The following PPHLN1 variants were observed in gnomAD, a reference collection of about 807,000 sequenced individuals.
The protein encoded by PPHLN1 is periphilin 1, also known as periphilin-1.
Under a neutral mutation model 51.3 loss-of-function variants are expected in PPHLN1, and 29 were observed. The ratio of observed to expected loss-of-function variants is 0.57; its 90% CI spans 0.42 to 0.77. The LOEUF (loss-of-function observed/expected upper bound fraction) is 0.77, where lower values mean the gene tolerates loss of function less well. Ranked by LOEUF, PPHLN1 falls within the 30% of genes least tolerant of loss-of-function variation. The probability of loss-of-function intolerance (pLI) is 0.00; values close to 1 mark genes in which losing one functional copy is unlikely to be tolerated. For synonymous variants in PPHLN1, 147 were observed against 147.8 expected (o/e 0.99, Z 0.04); for missense variants, 436 against 438.4 (o/e 0.99, Z 0.05).
At chr12:42,426,936 A>G (rs925552362) in intron 9 of PPHLN1, among the ~76,000 whole-genome samples, 1 of 152,142 alleles carries the variant, frequency 6.6e-6, no homozygotes, top group African/African-American at 2.4e-5. Flanking sequence ...TGAAATAGCT[A>G]AGCTGCTTCC....
At chr12:42,446,125 GACGAC>G, downstream of PPHLN1, 2 of 1,568,448 alleles carry the variant, frequency 1.3e-6, no homozygotes, top group Non-Finnish European at 1.7e-6. Flanking sequence ...GGGTTCGTCG[GACGAC>G]ACAGCTTCGT....
At chr12:42,438,667 T>A (rs931141584) in intron 9 of PPHLN1, among the ~76,000 whole-genome samples, 4 of 152,204 alleles carry the variant, frequency 2.6e-5, no homozygotes, top group African/African-American at 9.6e-5. Context: ...AGTGGCACGA[T>A]CTCAGCTCAC....
intron 9 of PPHLN1, among the ~76,000 whole-genome samples, chr12:42,434,521 G>C (rs1796398): frequency 0.28 from 42,021 of 152,086 alleles, 7,278 homozygotes; most frequent in Non-Finnish European, 0.38. Context: ...CCTGTGAATT[G>C]GTTTCTGTAT....
At chr12:42,338,724 T>C (rs550146598) in intron 2 of PPHLN1, among the ~76,000 whole-genome samples, 3 of 152,330 alleles carry the variant, frequency 2.0e-5, no homozygotes, top group African/African-American at 7.2e-5. Context: ...TCAGAAGCTC[T>C]CAATCCTTGT....
intron 2 of PPHLN1, among the ~76,000 whole-genome samples, chr12:42,345,021 A>G (rs1249623347): frequency 6.6e-6 from 1 of 152,106 alleles, no homozygotes; most frequent in East Asian, 1.9e-4. Context: ...AGTGTGAAAA[A>G]TTTGATACAG....
chr12:42,404,546 A>G (rs2079119994), intron 9 of PPHLN1, among the ~76,000 whole-genome samples: 1 of 152,020 alleles, frequency 6.6e-6, no homozygotes, highest in Non-Finnish European at 1.5e-5. Context: ...AACAACAACA[A>G]CAACAAAAAT....
intron 9 of PPHLN1, chr12:42,400,378 G>T (rs2139328307): frequency 1.3e-5 from 2 of 148,966 alleles, no homozygotes; most frequent in African/African-American, 2.5e-5. Context: ...TGAGGCAGGA[G>T]AATGGCGTGA....
intron 9 of PPHLN1, among the ~76,000 whole-genome samples, chr12:42,422,490 CTT>C (rs2081092782): frequency 6.6e-6 from 1 of 152,214 alleles, no homozygotes; most frequent in Admixed American, 6.5e-5. Context: ...CCTTCTGACT[CTT>C]ATCTGAACCA....
chr12:42,369,098 T>C (rs1592465065), intron 4 of PPHLN1, among the ~76,000 whole-genome samples: 3 of 152,342 alleles, frequency 2.0e-5, no homozygotes, highest in South Asian at 2.1e-4. Flanking sequence ...GTGGCTGCTG[T>C]TGTGTGTCAG....
intron 2 of PPHLN1, among the ~76,000 whole-genome samples, chr12:42,346,097 T>G (rs1351730522): frequency 6.6e-6 from 1 of 152,176 alleles, no homozygotes; most frequent in African/African-American, 2.4e-5. Flanking sequence ...TAAGAACACC[T>G]AAAATTTGTA....
intron 9 of PPHLN1, among the ~76,000 whole-genome samples, chr12:42,411,903 C>CAAAAAAAAAA (rs1212289027): frequency 0.014 from 462 of 33,970 alleles, 37 homozygotes; most frequent in Middle Eastern, 0.083. Context: ...GACTCAGTCT[C>CAAAAAAAAAA]AAAAAAAAAA....
Position 42,360,458 on chromosome 12 carries a change from C to CTTTTTTTTTTTTTTTTTTT in PPHLN1, c.299+5247_299+5265dup, listed in dbSNP as rs71084642. Among the ~76,000 whole-genome samples the CTTTTTTTTTTTTTTTTTTT allele has an allele frequency of 2.8e-4, 16 of 56,290 alleles. 1 individual carries two copies. The highest frequency in any genetic ancestry group is 1.3e-3 in the East Asian group (2 of 1,504). 36.9% of individuals were successfully genotyped at this position (56,290 alleles called of 152,430 possible). ...ACAGTTCCTGAAGTGATGCTGAATT[C>CTTTTTTTTTTTTTTTTTTT]TTTTTTTTTTTTTTTTTTTTTTTTT... On this transcript the variant is annotated intron_variant, in intron 4 of 9. Transcript: ENST00000358314.
At chr12:42,400,738 C>A (rs1565943988) in intron 9 of PPHLN1, among the ~76,000 whole-genome samples, 2 of 151,630 alleles carry the variant, frequency 1.3e-5, no homozygotes, top group African/African-American at 4.9e-5. Context: ...ATTGAAATAA[C>A]AGGGGAGAGC....
downstream of PPHLN1, chr12:42,443,499 C>G (rs1434955131): frequency 1.3e-5 from 2 of 152,190 alleles, no homozygotes; most frequent in African/African-American, 2.4e-5. Context: ...ATTTTAGAGG[C>G]CAGTCAGTAC....
At chr12:42,422,414 T>C (rs1289122253) in intron 9 of PPHLN1, among the ~76,000 whole-genome samples, 1 of 152,238 alleles carries the variant, frequency 6.6e-6, no homozygotes. Flanking sequence ...TAATTTTCCA[T>C]GAAGTAAGGT....
At chr12:42,417,894 G>T (rs1468907904) in intron 9 of PPHLN1, among the ~76,000 whole-genome samples, 3 of 146,058 alleles carry the variant, frequency 2.1e-5, no homozygotes, top group Non-Finnish European at 1.5e-5. Context: ...CTTCTAAAGA[G>T]GGAAAAAAGA....
Position 42,441,542 on chromosome 12 carries a change from CA to C in PPHLN1, c.*34del. On this transcript the variant is annotated 3_prime_UTR_variant, in exon 10 of 10. Transcript: ENST00000358314. ...TGCTCAGGCTAAAAAAAAAAAAAAA[CA>C]GTTTCTAAAAATTTTTTTTCCTGGA... 2.2e-6 allele frequency: 3 copies of C among 1,389,758 alleles called. No individual in the cohort carries two copies. The South Asian group carries it at 4.7e-5, about 22-fold the overall frequency. The allele number at this position is 1,389,758 out of a possible 1,614,324, so 86.1% of individuals were successfully genotyped here. A position where few individuals can be genotyped will look rare whatever the true frequency, so the allele number is the denominator to read the frequency against.
In PPHLN1 at chr12:42,439,069, T is replaced by C. The variant is rs186299138; in HGVS notation, c.910-2246T>C. On this transcript the variant is annotated intron_variant, in intron 9 of 9. Coordinates refer to ENST00000358314, the MANE Select transcript of PPHLN1 (RefSeq NM_201439.2). Reference sequence around the variant, plus strand: ...TTTAATGAAATCCAATTTATTGGGGTTTTTCTTGGATTGTCTTTGATGTTA... The same window carrying C: ...TTTAATGAAATCCAATTTATTGGGGCTTTTCTTGGATTGTCTTTGATGTTA... 3.6e-3 allele frequency among the ~76,000 whole-genome samples: 541 copies of C among 152,206 alleles called. 5 individuals carry two copies. Among genetic ancestry groups the C allele is most frequent in the Non-Finnish European group, 5.7e-3 (391 of 68,022 alleles).
chr12:42,350,054 G>A (rs1456989021), intron 2 of PPHLN1: 1 of 149,624 alleles, frequency 6.7e-6, no homozygotes, highest in African/African-American at 2.5e-5. Context: ...CCCAGACAGG[G>A]CGGCTGCCGG....
Sources: gnomAD v4.1 joint callset for allele counts (sites outside exome capture counted in the v4.1 genomes callset) on GRCh38, gnomAD v4.1.1 for gene constraint, MANE v1.5 for transcripts, NCBI Gene and HGNC (gene_info 2026-07-23, HGNC 2026-07-21) for gene names.